Variants in CNOT1 observed in about 807,000 individuals in gnomAD.
CNOT1 encodes CCR4-NOT transcription complex subunit 1.
A neutral mutation model predicts 273.8 loss-of-function variants in CNOT1; 15 were observed. The ratio of observed to expected loss-of-function variants is 0.05; its 90% confidence interval spans 0.04 to 0.08. CNOT1 has a LOEUF of 0.08. CNOT1 is among the 10% of genes least tolerant of loss of function. The pLI is 1.00. For synonymous variants in CNOT1, 1,022 were observed against 1,005.5 expected, an observed-to-expected ratio of 1.02 and a Z score of -0.31; for missense variants, 1,644 against 2,912.2, an observed-to-expected ratio of 0.56 and a Z score of 10.02.
intron 14 of CNOT1, among the ~76,000 whole-genome samples, chr16:58,576,199 C>A (rs1241120154): frequency 6.6e-6 from 1 of 152,048 alleles, no homozygotes; most frequent in Admixed American, 6.6e-5. Context: ...CAACCTCCGC[C>A]TCCCAGGTTC....
intron 10 of CNOT1, among the ~76,000 whole-genome samples, chr16:58,582,299 CAAACAA>C (rs2041684979): frequency 1.3e-5 from 2 of 151,772 alleles, no homozygotes; most frequent in Non-Finnish European, 2.9e-5. Context: ...CTAAAAAAAA[CAAACAA>C]AAACAAAAGT....
Position 58,530,334 on chromosome 16 carries a change from T to C in CNOT1, c.6191A>G (p.Tyr2064Cys). ...GAATAAATCAATCAGTAGCTGTGCA[T>C]ACATAGGCCACCCCTGAAAGAAAGA... ...HTPQQKGWPM[Y>C]AQLLIDLFKY... The change falls in exon 43 of 49, where the codon TAT becomes TGT. Residue 2064 changes from tyrosine (Y) to cysteine (C), a missense_variant. Physicochemically the swap from Tyr to Cys is radical, Grantham distance 194 (BLOSUM62 -2). Transcript: ENST00000317147. 5 of 1,609,758 alleles carry C rather than the reference T, an allele frequency of 3.1e-6. No homozygotes were observed. Among genetic ancestry groups the C allele is most frequent in the Non-Finnish European group, 4.2e-6 (5 of 1,177,590 alleles).
At position 58,617,009 on chromosome 16, in the gene CNOT1, A is replaced by T. The variant is rs2043111950; in HGVS notation, c.-175+12719T>A. ...CAGTAGTATCTCCAAAAGCATTTTG[A>T]AATGTTTAGGTGTCAGAAGAGTTAC... On this transcript the variant is annotated intron_variant, in intron 1 of 48. Transcript: ENST00000317147. Among the ~76,000 whole-genome samples, 4 of 152,216 alleles carry T rather than the reference A, an allele frequency of 2.6e-5. No homozygotes were observed. In the South Asian group the frequency reaches 8.3e-4, roughly 32 times the overall value.
At chr16:58,527,748 C>G (rs2039644041) in intron 44 of CNOT1, among the ~76,000 whole-genome samples, 1 of 152,094 alleles carries the variant, frequency 6.6e-6, no homozygotes, top group African/African-American at 2.4e-5. Context: ...CCAGTGGGTC[C>G]TAGAACCAAT....
In CNOT1 at chr16:58,585,019, G is replaced by A. The variant is rs180988046; in HGVS notation, c.806+319C>T. ...AAATTAGTCACATTAAGTGTAAAGC[G>A]ATACAAGTTCCATAAACACTAACTT... On this transcript the variant is annotated intron_variant, in intron 8 of 48. Transcript: ENST00000317147. Among the ~76,000 whole-genome samples the A allele has an allele frequency of 1.3e-3, 191 of 152,208 alleles. 1 individual carries two copies. Among genetic ancestry groups the A allele is most frequent in the African/African-American group, 4.5e-3 (187 of 41,540 alleles).
Position 58,587,413 on chromosome 16 carries a change from T to C in CNOT1, c.310A>G (p.Ser104Gly), listed in dbSNP as rs1162058848. ...AATAAGTGGGGTGCAGGCTTTAAAC[T>C]CTGAAACAAACCAAATTTTAGTTTA... ...AIDNPLHYQK[S>G]LKPAPHLFAQ... The change falls in exon 5 of 49, where the codon AGT becomes GGT. Residue 104 changes from serine (S) to glycine (G), a missense_variant and splice_region_variant. This residue lies in a region of CNOT1 where 706 missense variants were observed against 1,021.2 expected (regional missense o/e 0.69). Transcript: ENST00000317147. 2 of 1,612,116 alleles carry C rather than the reference T, an allele frequency of 1.2e-6. No homozygotes were observed. Among genetic ancestry groups the C allele is most frequent in the African/African-American group, 1.3e-5 (1 of 74,844 alleles).
At chr16:58,587,545 A>T in intron 4 of CNOT1, 132 bp from the exon 5 acceptor site, 2 of 1,310,504 alleles carry the variant, frequency 1.5e-6, no homozygotes, top group Non-Finnish European at 1.0e-6. Flanking sequence ...GAAACATTAC[A>T]CTATGTCCTA....
At chr16:58,606,451 C>T (rs1388601766) in intron 1 of CNOT1, among the ~76,000 whole-genome samples, 1 of 152,102 alleles carries the variant, frequency 6.6e-6, no homozygotes, top group African/African-American at 2.4e-5. Flanking sequence ...CAAGGCCATT[C>T]TCAGTACTTT....
Position 58,619,412 on chromosome 16 carries a change from T to C in CNOT1, c.-175+10316A>G, listed in dbSNP as rs111491231. ...GTAAAAGAGCATCTTTTGGTCACAC[T>C]AGAGTTTTGCATTTTCTTTCTTTTT... On this transcript the variant is annotated intron_variant, in intron 1 of 48. Transcript: ENST00000317147. 8.4e-3 allele frequency among the ~76,000 whole-genome samples: 1,276 copies of C among 152,068 alleles called. 7 individuals are homozygous for C. Among genetic ancestry groups the C allele is most frequent in the Non-Finnish European group, 0.014 (923 of 67,984 alleles).
At chr16:58,609,161 C>G (rs928313463) in intron 1 of CNOT1, among the ~76,000 whole-genome samples, 1 of 152,120 alleles carries the variant, frequency 6.6e-6, no homozygotes, top group African/African-American at 2.4e-5. Flanking sequence ...ATCACGAGGT[C>G]AGGAGTTCGA....
chr16:58,588,729 C>A, intron 3 of CNOT1, 70 bp downstream of exon 3: 1 of 1,558,304 alleles, frequency 6.4e-7, no homozygotes, highest in African/African-American at 1.4e-5. Context: ...TCATATGCTA[C>A]ATACACTATG....
rs759010340 is a variant in CNOT1 at position 58,530,271 on chromosome 16, G to C, written c.6254C>G (p.Thr2085Ser). 2.5e-6 allele frequency: 4 copies of C among 1,611,270 alleles called. No individual in the cohort carries two copies. Among genetic ancestry groups the C allele is most frequent in the Middle Eastern group, 3.3e-4 (2 of 6,080 alleles). Residue 2085 changes from threonine to serine, a missense_variant, in exon 43 of 49, where the codon ACC becomes AGC. By Grantham distance (58) the Thr-to-Ser change is moderately conservative. Transcript: ENST00000317147. ...CTTGTAGAGGATTTGCATAGGTTTGGTGAGTTCCACATTTCTAAGGAAAGG... is the reference window on the plus strand; with the variant it reads ...CTTGTAGAGGATTTGCATAGGTTTGCTGAGTTCCACATTTCTAAGGAAAGG... ...LAPFLRNVEL[T>S]KPMQILYKGT...
At chr16:58,619,570 C>T (rs1317156699) in intron 1 of CNOT1, among the ~76,000 whole-genome samples, 2 of 151,848 alleles carry the variant, frequency 1.3e-5, no homozygotes. Flanking sequence ...TGGGACTAGC[C>T]GCCCGCCACC....
chr16:58,557,347 A>G (rs756856547), intron 18 of CNOT1, among the ~76,000 whole-genome samples: 2 of 152,258 alleles, frequency 1.3e-5, no homozygotes, highest in Admixed American at 1.3e-4. Flanking sequence ...TAATTTCATG[A>G]TACTATCTTC....
Position 58,545,424 on chromosome 16 carries a change from G to A in CNOT1, c.4074C>T (p.Ser1358=), listed in dbSNP as rs775495092. The part of the protein sequence containing the change: ...TATVPPQPQY[S]YHDINVYSLA... ...GGGAATAGACATTGATGTCGTGGTA[G>A]CTGTACTGTGGCTGTGGTGGAACCG... is the stretch of plus-strand genomic sequence containing the variant. Residue 1358 remains serine (S), a synonymous_variant, in exon 30 of 49, where the codon AGC becomes AGT. Coordinates refer to ENST00000317147, the MANE Select transcript of CNOT1 (RefSeq NM_016284.5). 3 of 1,614,136 alleles carry A rather than the reference G, an allele frequency of 1.9e-6. No individual in the cohort carries two copies. In the East Asian group the frequency reaches 6.7e-5, roughly 36 times the overall value.
intron 17 of CNOT1, chr16:58,559,759 CAG>C (rs2040765878): frequency 2.0e-6 from 1 of 494,588 alleles, no homozygotes; most frequent in Admixed American, 2.0e-5. Flanking sequence ...ATGTTGCTCC[CAG>C]AGAGAAGGGG....
At chr16:58,544,119 T>G (rs1237247474) in intron 30 of CNOT1, among the ~76,000 whole-genome samples, 1 of 152,046 alleles carries the variant, frequency 6.6e-6, no homozygotes, top group Non-Finnish European at 1.5e-5. Flanking sequence ...TAGATATGTC[T>G]TTTTTTTAAA....
At chr16:58,538,089 G>A in intron 37 of CNOT1, 29 bp from the exon 38 acceptor site, 1 of 1,614,122 alleles carries the variant, frequency 6.2e-7, no homozygotes, top group Non-Finnish European at 8.5e-7. Flanking sequence ...TAATGTGAGA[G>A]GGAAAACACT....
rs1470539376 is a variant in CNOT1 at position 58,555,298 on chromosome 16, G to A, written c.2844C>T (p.Ser948=). 2 of 1,614,092 alleles carry A rather than the reference G, an allele frequency of 1.2e-6. No homozygotes were observed. Among genetic ancestry groups the A allele is most frequent in the Non-Finnish European group, 1.7e-6 (2 of 1,180,014 alleles). The part of the protein sequence containing the change: ...VLEALRKPFG[S]KMYYFGIAAL... ...CAGCAATCCCGAAATAATACATTTT[G>A]GATCCAAAAGGCTTGCGTAAGGCTT... Residue 948 remains serine (S), a synonymous_variant, in exon 21 of 49, where the codon TCC becomes TCT. Coordinates refer to ENST00000317147, the MANE Select transcript of CNOT1 (RefSeq NM_016284.5).
Sources: allele counts gnomAD v4.1 joint callset (sites outside exome capture counted in the v4.1 genomes callset), GRCh38; gene constraint gnomAD v4.1.1; regional missense constraint gnomAD v4.1.1; transcripts MANE v1.5; gene names NCBI Gene and HGNC (gene_info 2026-07-23, HGNC 2026-07-21).